The following COG5 variants were observed in gnomAD, a reference collection of about 807,000 sequenced individuals.
COG5 encodes the protein conserved oligomeric Golgi complex subunit 5.
COG5 carries 86 observed loss-of-function variants against 110.4 expected under a neutral mutation model. The observed-to-expected ratio is 0.78, with a 90% CI of 0.65 to 0.93. The LOEUF (loss-of-function observed/expected upper bound fraction) is 0.93, where lower values mean the gene tolerates loss of function less well. Among genes scored for constraint, COG5 ranks in the 40% least tolerant of loss-of-function variants. The probability of loss-of-function intolerance (pLI) is 0.00; values close to 1 mark genes in which losing one functional copy is unlikely to be tolerated. For synonymous variants in COG5, 360 were observed against 334.6 expected (o/e 1.08, Z -0.83); for missense variants, 1,077 against 987.0 (o/e 1.09, Z -1.22).
At chr7:107,454,782 T>C (rs34084719) in intron 6 of COG5, among the ~76,000 whole-genome samples, 22,592 of 152,004 alleles carry the variant, frequency 0.15, 2,098 homozygotes, top group Non-Finnish European at 0.2. Context: ...GGCAGATTTG[T>C]GAGGTGATGC....
chr7:107,217,701 A>G (rs1004155466), intron 19 of COG5, among the ~76,000 whole-genome samples: 8 of 152,104 alleles, frequency 5.3e-5, no homozygotes, highest in Admixed American at 6.5e-5. Flanking sequence ...CCCTTTTATA[A>G]TAAAAACTCT....
intron 18 of COG5, among the ~76,000 whole-genome samples, chr7:107,233,502 G>A (rs1047654527): frequency 6.6e-6 from 1 of 152,204 alleles, no homozygotes; most frequent in Non-Finnish European, 1.5e-5. Flanking sequence ...GTGAGGAGAA[G>A]TTAGGATTCT....
intron 6 of COG5, among the ~76,000 whole-genome samples, chr7:107,488,573 G>GGTAGCTCACGCCT (rs1311235366): frequency 6.6e-6 from 1 of 152,134 alleles, no homozygotes; most frequent in African/African-American, 2.4e-5. Flanking sequence ...GGCTGGGTGT[G>GGTAGCTCACGCCT]GTAGCTCACG....
chr7:107,520,328 T>C (rs1800237620), intron 6 of COG5, among the ~76,000 whole-genome samples: 1 of 152,170 alleles, frequency 6.6e-6, no homozygotes, highest in African/African-American at 2.4e-5. Flanking sequence ...ATAAAGCGTA[T>C]TCAAATAGGA....
intron 6 of COG5, among the ~76,000 whole-genome samples, chr7:107,515,509 A>G (rs1228960201): frequency 6.6e-6 from 1 of 152,188 alleles, no homozygotes; most frequent in Non-Finnish European, 1.5e-5. Context: ...CAGAATTGGG[A>G]AAATTTCAGA....
At chr7:107,234,153 G>A (rs985472300) in intron 18 of COG5, among the ~76,000 whole-genome samples, 1 of 152,170 alleles carries the variant, frequency 6.6e-6, no homozygotes, top group African/African-American at 2.4e-5. Flanking sequence ...GGTGAACAAA[G>A]GAATCTGCTT....
chr7:107,386,766 A>C (rs1790239046), intron 7 of COG5, among the ~76,000 whole-genome samples: 1 of 152,200 alleles, frequency 6.6e-6, no homozygotes, highest in African/African-American at 2.4e-5. Context: ...TCTGGGAACA[A>C]GTAGGGAGAA....
rs2712187 is a variant in COG5 at position 107,551,147 on chromosome 7, A to T, written c.293-2815T>A. ...AAGCTCCACCTCCGGGGTTCACGCC[A>T]TTCTCCTGCCTCAGCCTCCCAAGTA... On this transcript the variant is annotated intron_variant, in intron 3 of 21. Coordinates refer to ENST00000297135, the MANE Select transcript of COG5 (RefSeq NM_006348.5). Among the ~76,000 whole-genome samples, 1,329 of 152,244 alleles carry T rather than the reference A, an allele frequency of 8.7e-3. 57 individuals carry two copies. The East Asian group carries it at 0.11, about 13-fold the overall frequency.
intron 8 of COG5, among the ~76,000 whole-genome samples, chr7:107,372,159 T>C (rs1012814351): frequency 1.3e-5 from 2 of 152,158 alleles, no homozygotes; most frequent in Admixed American, 1.3e-4. Flanking sequence ...AGTTTCTATG[T>C]CCACAGTCAG....
intron 10 of COG5, among the ~76,000 whole-genome samples, chr7:107,326,190 G>A (rs929435651): frequency 4.6e-5 from 7 of 152,116 alleles, no homozygotes; most frequent in Non-Finnish European, 1.0e-4. Context: ...AAAATCTGCA[G>A]CTAACATCCT....
intron 11 of COG5, among the ~76,000 whole-genome samples, chr7:107,304,340 A>T (rs1430602123): frequency 6.6e-6 from 1 of 152,186 alleles, no homozygotes; most frequent in Non-Finnish European, 1.5e-5. Context: ...CACTGTAAGA[A>T]GTTACTAATT....
chr7:107,428,132 C>G (rs567153024), intron 6 of COG5, among the ~76,000 whole-genome samples: 5 of 152,168 alleles, frequency 3.3e-5, no homozygotes, highest in East Asian at 3.9e-4. Context: ...GAGGAAAGTA[C>G]GCCAAACAGG....
chr7:107,427,570 G>T (rs1793730005), intron 6 of COG5, among the ~76,000 whole-genome samples: 1 of 151,950 alleles, frequency 6.6e-6, no homozygotes, highest in Non-Finnish European at 1.5e-5. Context: ...GTGTAATACA[G>T]TTGACACTGG....
chr7:107,232,811 C>A (rs1175244252), intron 18 of COG5, among the ~76,000 whole-genome samples: 1 of 152,050 alleles, frequency 6.6e-6, no homozygotes, highest in Non-Finnish European at 1.5e-5. Context: ...GCAGCGGATA[C>A]AAAAGTGGCA....
At chr7:107,399,843 T>C (rs1490964293) in intron 7 of COG5, among the ~76,000 whole-genome samples, 3 of 152,048 alleles carry the variant, frequency 2.0e-5, no homozygotes, top group Non-Finnish European at 4.4e-5. Context: ...ATTAAGAAAA[T>C]GCACATAAAA....
intron 6 of COG5, among the ~76,000 whole-genome samples, chr7:107,436,523 G>A (rs1436284468): frequency 1.3e-5 from 2 of 152,138 alleles, no homozygotes; most frequent in Admixed American, 1.3e-4. Flanking sequence ...CTGGAGACAG[G>A]TGGTGGTGAT....
chr7:107,485,041 GAGA>G (rs1797576281), intron 6 of COG5, among the ~76,000 whole-genome samples: 1 of 152,178 alleles, frequency 6.6e-6, no homozygotes, highest in South Asian at 2.1e-4. Flanking sequence ...CACTAATTAA[GAGA>G]AATGGAGCAT....
intron 16 of COG5, among the ~76,000 whole-genome samples, chr7:107,255,573 T>C (rs1026436168): frequency 1.3e-5 from 2 of 152,090 alleles, no homozygotes; most frequent in African/African-American, 4.8e-5. Flanking sequence ...TTTGCTCTTT[T>C]CTCTAAATAT....
intron 21 of COG5, chr7:107,208,836 C>A: frequency 1.0e-6 from 1 of 985,470 alleles, no homozygotes; most frequent in Non-Finnish European, 1.2e-6. Flanking sequence ...GGAAACAAAG[C>A]TGACAGGCTG....
Sources: gnomAD v4.1 joint callset for allele counts (sites outside exome capture counted in the v4.1 genomes callset) on GRCh38, gnomAD v4.1.1 for gene constraint, MANE v1.5 for transcripts, NCBI Gene and HGNC (gene_info 2026-07-23, HGNC 2026-07-21) for gene names.